Variants in GRID2 observed in about 807,000 individuals in gnomAD.
The protein encoded by GRID2 is glutamate ionotropic receptor delta type subunit 2.
Under a neutral mutation model 114.8 loss-of-function variants are expected in GRID2, and 33 were observed. The observed-to-expected ratio is 0.29, with a 90% CI of 0.22 to 0.38. GRID2 has a LOEUF of 0.38. Ranked by LOEUF, GRID2 falls within the 10% of genes least tolerant of loss-of-function variation. GRID2 has a pLI of 1.00. For synonymous variants in GRID2, 505 were observed against 449.9 expected, an observed-to-expected ratio of 1.12 and a Z score of -1.55; for missense variants, 1,184 against 1,257.7, an observed-to-expected ratio of 0.94 and a Z score of 0.89.
intron 2 of GRID2, among the ~76,000 whole-genome samples, chr4:92,652,365 A>G (rs1731984300): frequency 6.6e-6 from 1 of 151,986 alleles, no homozygotes; most frequent in African/African-American, 2.4e-5. Context: ...AAAATTAACC[A>G]TCACAGTCTT....
rs143176573 is a variant in GRID2 at position 92,641,818 on chromosome 4, A to C, written c.244+51532A>C. On this transcript the variant is annotated intron_variant, in intron 2 of 15. Coordinates refer to ENST00000282020, the MANE Select transcript of GRID2 (RefSeq NM_001510.4). ...CCTCCTCCAGTAGTCTTCAGTGTCT[A>C]TTCCCATTCTTAGGTCTATGTATGT... Among the ~76,000 whole-genome samples, 444 of 151,496 alleles carry C rather than the reference A, an allele frequency of 2.9e-3. 5 individuals carry two copies. In the East Asian group the frequency reaches 0.032, roughly 11 times the overall value.
At chr4:93,040,281 A>T (rs1163688729) in intron 2 of GRID2, among the ~76,000 whole-genome samples, 1 of 150,998 alleles carries the variant, frequency 6.6e-6, no homozygotes, top group Admixed American at 6.6e-5. Context: ...GAGTTACAGA[A>T]TCACAAAAAA....
intron 13 of GRID2, among the ~76,000 whole-genome samples, chr4:93,607,620 A>G (rs2149654470): frequency 1.3e-5 from 2 of 152,266 alleles, no homozygotes; most frequent in Middle Eastern, 6.8e-3. Flanking sequence ...TTGCTTTTGA[A>G]AAAGGCTATA....
At chr4:93,323,766 C>T (rs141075815) in intron 8 of GRID2, among the ~76,000 whole-genome samples, 9,182 of 152,086 alleles carry the variant, frequency 0.06, 367 homozygotes, top group Middle Eastern at 0.099. Flanking sequence ...CCTTCACAAC[C>T]CTTATAAGTT....
chr4:93,668,899 C>G (rs999339031), intron 14 of GRID2, among the ~76,000 whole-genome samples: 9 of 152,110 alleles, frequency 5.9e-5, no homozygotes, highest in Admixed American at 5.2e-4. Context: ...CACAGTTAGA[C>G]TGAAGATACT....
intron 1 of GRID2, among the ~76,000 whole-genome samples, chr4:92,356,063 A>G (rs558724588): frequency 6.6e-6 from 1 of 151,872 alleles, no homozygotes; most frequent in South Asian, 2.1e-4. Context: ...TCTTATATTT[A>G]TACTTGGTCA....
chr4:93,536,365 T>A (rs1732075611), intron 13 of GRID2, among the ~76,000 whole-genome samples: 1 of 151,710 alleles, frequency 6.6e-6, no homozygotes, highest in Non-Finnish European at 1.5e-5. Context: ...ACACATAGGC[T>A]AAAGGAACAG....
In GRID2 at chr4:93,490,636, C is replaced by T; in HGVS notation, c.1859-3C>T. The T allele has an allele frequency of 1.9e-6, 3 of 1,602,722 alleles. No homozygotes were observed. Among genetic ancestry groups the T allele is most frequent in the Non-Finnish European group, 1.7e-6 (2 of 1,171,868 alleles). ...CTTTTTATCTCTTTGCTTCTTTCTA[C>T]AGGCGGGGAAGTCCCGTACACGACT... On this transcript the variant is annotated splice_polypyrimidine_tract_variant and splice_region_variant and intron_variant, in intron 11 of 15. Coordinates refer to ENST00000282020, the MANE Select transcript of GRID2 (RefSeq NM_001510.4).
chr4:93,612,135 C>G (rs1425365025), intron 13 of GRID2, among the ~76,000 whole-genome samples: 1 of 151,752 alleles, frequency 6.6e-6, no homozygotes, highest in Non-Finnish European at 1.5e-5. Flanking sequence ...GATTGCAACC[C>G]CTGCCTTTTT....
chr4:93,578,676 C>G (rs907245951), intron 13 of GRID2, among the ~76,000 whole-genome samples: 19 of 145,026 alleles, frequency 1.3e-4, no homozygotes, highest in African/African-American at 5.0e-4. Context: ...TCACTGCAAG[C>G]TCCGCCTCCC....
At chr4:93,661,933 GT>G (rs781067040) in intron 14 of GRID2, among the ~76,000 whole-genome samples, 39 of 152,214 alleles carry the variant, frequency 2.6e-4, no homozygotes, top group Non-Finnish European at 4.9e-4. Flanking sequence ...CAAAGGCAAA[GT>G]TATCCCAATG....
At chr4:92,526,673 A>G (rs1725061061) in intron 1 of GRID2, among the ~76,000 whole-genome samples, 1 of 152,054 alleles carries the variant, frequency 6.6e-6, no homozygotes, top group South Asian at 2.1e-4. Flanking sequence ...ATTAAAATGT[A>G]AGCCTTAAGT....
At chr4:93,297,525 G>C (rs1436851715) in intron 8 of GRID2, among the ~76,000 whole-genome samples, 1 of 152,130 alleles carries the variant, frequency 6.6e-6, no homozygotes, top group Non-Finnish European at 1.5e-5. Context: ...AGTGAAATTC[G>C]GGCTCTGCAA....
rs1746368436 is a variant in GRID2, at chr4:92,886,381, C to T, written c.245-198614C>T. On this transcript the variant is annotated intron_variant, in intron 2 of 15. Coordinates refer to ENST00000282020, the MANE Select transcript of GRID2 (RefSeq NM_001510.4). ...CACAAAAACAGCAAGAGAGGAGATG[C>T]TGGAAAAATGGGCACAATAGATTTT... 2.6e-5 allele frequency among the ~76,000 whole-genome samples: 4 copies of T among 151,944 alleles called. No homozygotes were observed. The South Asian group carries it at 8.3e-4, about 31-fold the overall frequency.
intron 2 of GRID2, among the ~76,000 whole-genome samples, chr4:92,985,160 G>C (rs993170099): frequency 3.3e-5 from 5 of 151,490 alleles, no homozygotes; most frequent in African/African-American, 1.2e-4. Flanking sequence ...AATTATTACC[G>C]TGGTTTTTGC....
At chr4:93,655,676 A>C (rs60529669) in intron 14 of GRID2, among the ~76,000 whole-genome samples, 2 of 152,040 alleles carry the variant, frequency 1.3e-5, no homozygotes, top group African/African-American at 4.8e-5. Context: ...TTCTGTTTGA[A>C]TCTTTATAAC....
chr4:93,689,223 C>T lies in GRID2; in HGVS notation c.2360+62788C>T, dbSNP rs147165022. Among the ~76,000 whole-genome samples the T allele has an allele frequency of 4.9e-3, 739 of 152,114 alleles. 8 individuals carry two copies. Among genetic ancestry groups the T allele is most frequent in the African/African-American group, 0.017 (709 of 41,508 alleles). The stretch of plus-strand genomic sequence containing the variant: ...TCCAAAACTGTAAGAAAGTTAATTT[C>T]TGTGGTTTAAGCCACCCAGTCTGTG... On this transcript the variant is annotated intron_variant, in intron 14 of 15. Coordinates refer to ENST00000282020, the MANE Select transcript of GRID2 (RefSeq NM_001510.4).
chr4:92,960,377 A>G (rs1039004063), intron 2 of GRID2, among the ~76,000 whole-genome samples: 1 of 151,984 alleles, frequency 6.6e-6, no homozygotes, highest in African/African-American at 2.4e-5. Flanking sequence ...TTCCAAATAT[A>G]ATAGCAGGTT....
At chr4:93,736,569 C>G (rs766528324) in intron 14 of GRID2, among the ~76,000 whole-genome samples, 2 of 151,974 alleles carry the variant, frequency 1.3e-5, no homozygotes, top group Non-Finnish European at 2.9e-5. Flanking sequence ...GGTTGATGTA[C>G]CTATATTCGG....
Sources: allele counts gnomAD v4.1 joint callset (sites outside exome capture counted in the v4.1 genomes callset), GRCh38; gene constraint gnomAD v4.1.1; transcripts MANE v1.5; gene names NCBI Gene and HGNC (gene_info 2026-07-23, HGNC 2026-07-21).